PLEKHG5: variants seen among roughly 807,000 people sequenced by gnomAD.
PLEKHG5 encodes pleckstrin homology domain-containing family G member 5.
PLEKHG5 carries 52 observed loss-of-function variants against 103.8 expected under a neutral mutation model. The ratio of observed to expected loss-of-function variants is 0.50; its 90% confidence interval spans 0.40 to 0.63. The LOEUF is 0.63. Among genes scored for constraint, PLEKHG5 ranks in the 30% least tolerant of loss-of-function variants. The probability of loss-of-function intolerance (pLI) is 0.00; values close to 1 mark genes in which losing one functional copy is unlikely to be tolerated. For missense variants in PLEKHG5, 1,205 were observed against 1,347.6 expected (o/e 0.89, Z 1.66); for synonymous variants, 592 against 575.5 (o/e 1.03, Z -0.41).
At chr1:6,475,353 C>T (rs1644735916) in intron 4 of PLEKHG5, 109 bp downstream of exon 4, 1 of 967,846 alleles carries the variant, frequency 1.0e-6, no homozygotes, top group Non-Finnish European at 1.7e-6. Flanking sequence ...CAGACCTCTG[C>T]ACCCTGGGAT....
chr1:6,473,178 G>A lies in PLEKHG5; in HGVS notation c.796-4C>T, dbSNP rs1315270235. On this transcript the variant is annotated splice_region_variant and splice_polypyrimidine_tract_variant and intron_variant, in intron 8 of 20. Coordinates refer to ENST00000377728, the MANE Select transcript of PLEKHG5 (RefSeq NM_020631.6). ...GCTGCTCCATCTTGTCTACCTCCTG[G>A]AAAGATACCCTGGTCAGGGTCAGGG... 2.2e-5 allele frequency: 35 copies of A among 1,613,580 alleles called. No homozygotes were observed. Among genetic ancestry groups the A allele is most frequent in the Non-Finnish European group, 2.7e-5 (32 of 1,179,954 alleles).
chr1:6,478,520 T>C (rs2148599996), intron 1 of PLEKHG5, among the ~76,000 whole-genome samples: 1 of 152,328 alleles, frequency 6.6e-6, no homozygotes, highest in Middle Eastern at 3.4e-3. Flanking sequence ...TACGGCTGAC[T>C]TTCTTTCTTT....
Position 6,505,163 on chromosome 1 carries a change from C to A in PLEKHG5, c.-164-8594G>T, listed in dbSNP as rs552090119. 1.3e-5 allele frequency among the ~76,000 whole-genome samples: 2 copies of A among 152,272 alleles called. No individual in the cohort carries two copies. The highest frequency in any genetic ancestry group is 3.9e-4 in the East Asian group (2 of 5,180). On this transcript the variant is annotated intron_variant, in intron 1 of 21. Transcript: ENST00000377740. This position sits in a 1 kb window ranked among gnomAD's most constrained non-coding sequence, Gnocchi z 4.2. ...TGCTGGGAGCTGGAGATCAGCGCTC[C>A]GGTAGCTTCTGCGGACCGGACTCAA...
chr1:6,482,777 T>C lies in PLEKHG5; in HGVS notation c.-87-5119A>G, dbSNP rs138275406. Among the ~76,000 whole-genome samples, 925 of 152,290 alleles carry C rather than the reference T, an allele frequency of 6.1e-3. 8 individuals are homozygous for C. Among genetic ancestry groups the C allele is most frequent in the African/African-American group, 0.021 (855 of 41,556 alleles). ...AGGCTGGAGAGCAGTGGCATGATCT[T>C]GGCTCACTGCAACCTCCGCCTCCTG... is the stretch of plus-strand genomic sequence containing the variant. On this transcript the variant is annotated intron_variant, in intron 1 of 20. Coordinates refer to ENST00000377728, the MANE Select transcript of PLEKHG5 (RefSeq NM_020631.6).
chr1:6,519,899 C>A (rs563375502), exon 1 of PLEKHG5: 2 of 325,230 alleles, frequency 6.1e-6, no homozygotes, highest in Non-Finnish European at 1.2e-5. Flanking sequence ...CTGGAGGTGC[C>A]GTCCCTCCTT....
At chr1:6,513,117 C>T (rs1570007858) in intron 1 of PLEKHG5, among the ~76,000 whole-genome samples, 2 of 152,248 alleles carry the variant, frequency 1.3e-5, no homozygotes, top group South Asian at 4.1e-4. Flanking sequence ...CTGTGGAGCT[C>T]CCCTCGCTCC....
chr1:6,483,657 C>T (rs1349586730), intron 1 of PLEKHG5, among the ~76,000 whole-genome samples: 1 of 152,144 alleles, frequency 6.6e-6, no homozygotes. Flanking sequence ...ACAGTGAGAC[C>T]CCGTCTCAGA....
chr1:6,517,104 G>T (rs1389837700), intron 1 of PLEKHG5, among the ~76,000 whole-genome samples: 4 of 137,962 alleles, frequency 2.9e-5, no homozygotes, highest in African/African-American at 1.3e-4. Flanking sequence ...AAAAAAAAAG[G>T]CCAGGCGCGG....
chr1:6,493,167 C>T (rs548796201), upstream of PLEKHG5, among the ~76,000 whole-genome samples: 2 of 152,184 alleles, frequency 1.3e-5, no homozygotes, highest in Non-Finnish European at 2.9e-5. Context: ...GCCCAGAAGC[C>T]GAAGGGTCCA....
Position 6,469,401 on chromosome 1 carries a change from G to T in PLEKHG5, c.1983C>A (p.Ala661=). 6.2e-7 allele frequency: 1 copy of T among 1,614,154 alleles called. No homozygotes were observed. The highest frequency in any genetic ancestry group is 8.5e-7 in the Non-Finnish European group (1 of 1,180,032). Residue 661 remains alanine, a synonymous_variant, in exon 18 of 21, where the codon GCC becomes GCA. Coordinates refer to ENST00000377728, the MANE Select transcript of PLEKHG5 (RefSeq NM_020631.6). Reference sequence around the variant, plus strand: ...CCTGGCCACTGGCCTGGAACGTGTAGGCCCCTACAGCACTGTGAAACTCAT... The same window carrying T: ...CCTGGCCACTGGCCTGGAACGTGTATGCCCCTACAGCACTGTGAAACTCAT... ...YLNEFHSAVG[A]YTFQASGQAL...
At chr1:6,485,320 G>A (rs1465852831) in intron 1 of PLEKHG5, 2 of 1,413,942 alleles carry the variant, frequency 1.4e-6, no homozygotes, top group Non-Finnish European at 1.8e-6. Flanking sequence ...TCCCGGCCCC[G>A]TACCTGGCTA....
intron 1 of PLEKHG5, among the ~76,000 whole-genome samples, chr1:6,480,709 C>T (rs551107903): frequency 5.9e-5 from 9 of 151,654 alleles, no homozygotes; most frequent in East Asian, 5.9e-4. Flanking sequence ...AGTGCAGTGC[C>T]GCAATCTCGG....
chr1:6,510,886 C>T (rs957197844), intron 1 of PLEKHG5, among the ~76,000 whole-genome samples: 39 of 152,190 alleles, frequency 2.6e-4, no homozygotes, highest in Admixed American at 5.9e-4. Context: ...GTCAGGAGTT[C>T]GAGACTAGCC....
intron 4 of PLEKHG5, 38 bp downstream of exon 4, chr1:6,475,424 A>G (rs773230322): frequency 6.3e-7 from 1 of 1,581,394 alleles, no homozygotes. Context: ...CGCAGGCTGT[A>G]GGGAACCCGC....
At chr1:6,485,558 C>A in intron 1 of PLEKHG5, 1 of 1,076,756 alleles carries the variant, frequency 9.3e-7, no homozygotes, top group Non-Finnish European at 1.2e-6. Context: ...CCGGGGAGGG[C>A]CGGGCCCGGA....
At chr1:6,515,051 A>T (rs1356088753) in intron 1 of PLEKHG5, among the ~76,000 whole-genome samples, 1 of 152,072 alleles carries the variant, frequency 6.6e-6, no homozygotes, top group Admixed American at 6.6e-5. Flanking sequence ...AGACTCCATC[A>T]AAAAATAAAA....
intron 15 of PLEKHG5, 28 bp downstream of exon 15, chr1:6,470,478 G>C (rs541867531): frequency 4.3e-6 from 7 of 1,610,636 alleles, no homozygotes; most frequent in African/African-American, 1.3e-5. Flanking sequence ...TCTCCCAGCC[G>C]GCAACCCCCG....
chr1:6,501,522 A>G (rs985878591), upstream of PLEKHG5, among the ~76,000 whole-genome samples: 1 of 152,172 alleles, frequency 6.6e-6, no homozygotes, highest in Non-Finnish European at 1.5e-5. The surrounding 1 kb of genome is among the most constrained non-coding windows in gnomAD (Gnocchi z 4.3). Flanking sequence ...CAATGACCAC[A>G]GCTCTCACTT....
chr1:6,496,658 T>A, upstream of PLEKHG5: 3 of 896,766 alleles, frequency 3.3e-6, no homozygotes, highest in Non-Finnish European at 4.9e-6. Flanking sequence ...AGGGGTGGGG[T>A]GATCTCCTCA....
Sources: allele counts gnomAD v4.1 joint callset (sites outside exome capture counted in the v4.1 genomes callset), GRCh38; gene constraint gnomAD v4.1.1; non-coding constraint Gnocchi (gnomAD v3.1); transcripts MANE v1.5; gene names NCBI Gene and HGNC (gene_info 2026-07-23, HGNC 2026-07-21).